The following OMA1 variants were observed in gnomAD, a reference collection of about 807,000 sequenced individuals.
OMA1 encodes the protein metalloendopeptidase OMA1, mitochondrial.
Under a neutral mutation model 30.9 loss-of-function variants are expected in OMA1, and 38 were observed. The ratio of observed to expected loss-of-function variants is 1.23; its 90% CI spans 0.95 to 1.61. The LOEUF (loss-of-function observed/expected upper bound fraction) is 1.61. Ranked by LOEUF, OMA1 falls within the 40% of genes most tolerant of loss-of-function variation. OMA1 has a pLI of 0.00. For missense variants in OMA1, 461 were observed against 349.2 expected, an observed-to-expected ratio of 1.32 and a Z score of -2.55; for synonymous variants, 173 against 121.9, an observed-to-expected ratio of 1.42 and a Z score of -2.76.
chr1:58,510,488 C>T (rs1646056592), intron 7 of OMA1, among the ~76,000 whole-genome samples: 1 of 152,018 alleles, frequency 6.6e-6, no homozygotes, highest in South Asian at 2.1e-4. Context: ...ATAATTATAG[C>T]TATATATGAA....
intron 7 of OMA1, among the ~76,000 whole-genome samples, chr1:58,511,205 T>C (rs1210779444): frequency 1.3e-5 from 2 of 152,202 alleles, no homozygotes; most frequent in African/African-American, 4.8e-5. Flanking sequence ...AGAGGCATCA[T>C]GCTTCCTGAT....
intron 8 of OMA1, among the ~76,000 whole-genome samples, chr1:58,489,096 C>A (rs1439077834): frequency 6.6e-6 from 1 of 152,166 alleles, no homozygotes; most frequent in African/African-American, 2.4e-5. Context: ...CCAGTGGGTG[C>A]AGGACAGTCG....
intron 1 of OMA1, among the ~76,000 whole-genome samples, chr1:58,545,331 G>A (rs10889101): frequency 0.65 from 98,653 of 151,918 alleles, 34,105 homozygotes; most frequent in East Asian, 0.94. Flanking sequence ...CCAACACTAC[G>A]CATATATAAT....
At chr1:58,530,786 T>C (rs1166695130) in intron 5 of OMA1, 57 bp from the exon 6 acceptor site, 1 of 820,092 alleles carries the variant, frequency 1.2e-6, no homozygotes. Flanking sequence ...AGTATATGCT[T>C]ACATTTTCTA....
chr1:58,510,955 A>T lies in OMA1; in HGVS notation c.1216-4746T>A, dbSNP rs1297342088. 2.0e-5 allele frequency among the ~76,000 whole-genome samples: 3 copies of T among 152,276 alleles called. No individual in the cohort carries two copies. In the East Asian group the frequency reaches 5.8e-4, roughly 29 times the overall value. On this transcript the variant is annotated intron_variant, in intron 7 of 8. Transcript: ENST00000371226. The stretch of plus-strand genomic sequence containing the variant: ...TACACTAAAAAGTATCTAAAAAAAA[A>T]CTGATGAAAGAAATTAAAGACAACT...
In OMA1 at chr1:58,481,190, A is replaced by C. The variant is rs1645475675; in HGVS notation, c.1366-16T>G. 1 of 753,060 alleles carries C rather than the reference A, an allele frequency of 1.3e-6. No homozygotes were observed. The highest frequency in any genetic ancestry group is 2.3e-6 in the Non-Finnish European group (1 of 443,180). 46.6% of individuals were successfully genotyped at this position (753,060 alleles called of 1,614,324 possible). A position where few individuals can be genotyped will look rare whatever the true frequency, so the allele number is the denominator to read the frequency against. ...TTTTGAGAGCCTATAAAGAAATAAT[A>C]AAATAAAAAAATACTATATATATAC... On this transcript the variant is annotated splice_polypyrimidine_tract_variant and intron_variant, in intron 8 of 8. Transcript: ENST00000371226.
chr1:58,516,628 A>G (rs1449385840), intron 7 of OMA1, among the ~76,000 whole-genome samples: 2 of 152,216 alleles, frequency 1.3e-5, no homozygotes, highest in African/African-American at 4.8e-5. Context: ...GAGGAGCAGC[A>G]GAGAACCCTA....
At chr1:58,526,061 T>C (rs1261188181) in intron 7 of OMA1, among the ~76,000 whole-genome samples, 10 of 152,074 alleles carry the variant, frequency 6.6e-5, no homozygotes, top group Admixed American at 5.2e-4. Flanking sequence ...TAAAGTTTAT[T>C]AGAAATAAAG....
chr1:58,506,107 G>A lies in OMA1; in HGVS notation c.1318C>T (p.Pro440Ser), dbSNP rs1312138467. ...PKMPEWLSTH[P>S]SHGNRVEYLD... ...TACTCAACTCGATTGCCATGAGAAG[G>A]GTGTGTAGATAACCATTCTGGCATC... The change falls in exon 8 of 9, where the codon CCT (proline) becomes TCT (serine). Residue 440 changes from proline (P) to serine (S), a missense_variant. Transcript: ENST00000371226. The A allele has an allele frequency of 2.3e-6, 2 of 872,140 alleles. No individual in the cohort carries two copies. Among genetic ancestry groups the A allele is most frequent in the African/African-American group, 1.6e-5 (1 of 61,296 alleles). 54.0% of individuals were successfully genotyped at this position (872,140 alleles called of 1,614,324 possible).
intron 6 of OMA1, among the ~76,000 whole-genome samples, chr1:58,529,271 C>G (rs1390473655): frequency 6.6e-6 from 1 of 152,226 alleles, no homozygotes; most frequent in East Asian, 1.9e-4. Flanking sequence ...AGATGGCACT[C>G]TGATGGGAAC....
intron 3 of OMA1, 152 bp from the exon 4 acceptor site, chr1:58,534,483 CTG>C: frequency 1.9e-6 from 1 of 519,132 alleles, no homozygotes. Flanking sequence ...TTTCTCAAAT[CTG>C]AATTATTCAT....
At chr1:58,518,101 G>A (rs765356792) in intron 7 of OMA1, among the ~76,000 whole-genome samples, 2 of 150,554 alleles carry the variant, frequency 1.3e-5, no homozygotes, top group Admixed American at 6.6e-5. Context: ...CAGGAGAATC[G>A]CTTGAACACA....
At chr1:58,526,952 T>C (rs953252817) in intron 7 of OMA1, among the ~76,000 whole-genome samples, 7 of 152,138 alleles carry the variant, frequency 4.6e-5, no homozygotes, top group African/African-American at 1.7e-4. Context: ...TCAAAAAATT[T>C]ATACACGCAA....
chr1:58,485,228 T>TAAAAAAA (rs71043289), intron 8 of OMA1, among the ~76,000 whole-genome samples: 18 of 42,058 alleles, frequency 4.3e-4, no homozygotes, highest in African/African-American at 1.7e-3. Context: ...AGTCTACTAC[T>TAAAAAAA]AAAAAAAAAA....
intron 7 of OMA1, among the ~76,000 whole-genome samples, chr1:58,511,613 A>G (rs1169960902): frequency 6.6e-6 from 1 of 152,120 alleles, no homozygotes; most frequent in Admixed American, 6.6e-5. Flanking sequence ...TGGGTAACAG[A>G]GCAAGACCCT....
intron 6 of OMA1, among the ~76,000 whole-genome samples, chr1:58,529,472 G>A (rs970287543): frequency 3.0e-4 from 45 of 152,330 alleles, no homozygotes; most frequent in African/African-American, 1.1e-3. Context: ...ACATTTTTGA[G>A]ATGATTATTA....
intron 3 of OMA1, among the ~76,000 whole-genome samples, chr1:58,535,595 CAAAAAAAA>C (rs11315198): frequency 2.1e-5 from 2 of 95,574 alleles, no homozygotes; most frequent in African/African-American, 7.8e-5. Context: ...GTCTCTGTCT[CAAAAAAAA>C]AAAAAAAAAA....
At chr1:58,492,207 T>G (rs979543643) in intron 8 of OMA1, among the ~76,000 whole-genome samples, 1 of 152,176 alleles carries the variant, frequency 6.6e-6, no homozygotes, top group African/African-American at 2.4e-5. Context: ...AGATGTTCTT[T>G]GAAACCAACG....
chr1:58,487,882 C>T (rs966314615), intron 8 of OMA1, among the ~76,000 whole-genome samples: 1 of 151,942 alleles, frequency 6.6e-6, no homozygotes, highest in Non-Finnish European at 1.5e-5. Flanking sequence ...CCAAATATTT[C>T]AGTTTTCTTG....
Sources: allele counts gnomAD v4.1 joint callset (sites outside exome capture counted in the v4.1 genomes callset), GRCh38; gene constraint gnomAD v4.1.1; transcripts MANE v1.5; gene names NCBI Gene and HGNC (gene_info 2026-07-23, HGNC 2026-07-21).